The following PDE1A variants were observed in gnomAD, a reference collection of about 807,000 sequenced individuals.
The protein encoded by PDE1A is phosphodiesterase 1A.
Under a neutral mutation model 61.7 loss-of-function variants are expected in PDE1A, and 35 were observed. The ratio of observed to expected loss-of-function variants is 0.57; its 90% CI spans 0.43 to 0.75. PDE1A has a LOEUF of 0.75. PDE1A is among the 30% of genes least tolerant of loss of function. The pLI, the probability that PDE1A is intolerant of heterozygous loss-of-function variation, is 0.00. For missense variants in PDE1A, 597 were observed against 630.6 expected (o/e 0.95, Z 0.57); for synonymous variants, 232 against 213.2 (o/e 1.09, Z -0.77).
intron 1 of PDE1A, among the ~76,000 whole-genome samples, chr2:182,342,655 C>A (rs1218382527): frequency 6.6e-6 from 1 of 152,158 alleles, no homozygotes; most frequent in Admixed American, 6.5e-5. Context: ...TGCACTCCAG[C>A]CTGGGCAACA....
the PDE1A span, among the ~76,000 whole-genome samples, chr2:182,650,947 T>C: frequency 1.3e-5 from 2 of 152,178 alleles, no homozygotes; most frequent in Non-Finnish European, 2.9e-5. Context: ...TGAAAAACAA[T>C]AGGAGTAGAG....
chr2:182,167,752 C>A, downstream of PDE1A: 1 of 305,798 alleles, frequency 3.3e-6, no homozygotes, highest in Non-Finnish European at 4.8e-6. Context: ...CCCTGCCATT[C>A]ACTCTCACTA....
chr2:182,596,624 C>T, the PDE1A span, among the ~76,000 whole-genome samples: 1 of 152,106 alleles, frequency 6.6e-6, no homozygotes, highest in East Asian at 1.9e-4. Flanking sequence ...AAGTTGAGGG[C>T]CATCAGTAAC....
At chr2:182,269,443 G>A (rs538159965) in intron 1 of PDE1A, among the ~76,000 whole-genome samples, 16 of 151,808 alleles carry the variant, frequency 1.1e-4, no homozygotes, top group African/African-American at 3.4e-4. Flanking sequence ...AGCCAAGATC[G>A]CCACGATTGC....
At chr2:182,429,206 T>A (rs879436633), upstream of PDE1A, among the ~76,000 whole-genome samples, 4 of 152,130 alleles carry the variant, frequency 2.6e-5, no homozygotes, top group African/African-American at 7.2e-5. Context: ...AAAATATATA[T>A]TTCTTAAATG....
At chr2:182,693,637 C>CTTTTTTTTTTTTTTTTT in the PDE1A span, among the ~76,000 whole-genome samples, 2 of 123,426 alleles carry the variant, frequency 1.6e-5, no homozygotes, top group African/African-American at 3.0e-5. Flanking sequence ...TGATAGTGTT[C>CTTTTTTTTTTTTTTTTT]TTTTTTTTTT....
rs3769790 is a variant in PDE1A at position 182,194,387 on chromosome 2, G to A, written c.1126-5327C>T. On this transcript the variant is annotated intron_variant, in intron 10 of 13. Coordinates refer to ENST00000351439, the Ensembl canonical transcript of PDE1A. Reference sequence around the variant, plus strand: ...AATGATTACTTTTTTGGCTGATATTGATCTCTCTCTCCTATCAGTCATAGT... The same window carrying A: ...AATGATTACTTTTTTGGCTGATATTAATCTCTCTCTCCTATCAGTCATAGT... Among the ~76,000 whole-genome samples the A allele has an allele frequency of 4.2e-3, 645 of 152,138 alleles. 14 individuals carry two copies. The East Asian group carries it at 0.067, about 16-fold the overall frequency.
At chr2:182,206,463 T>C (rs1687110992) in intron 7 of PDE1A, among the ~76,000 whole-genome samples, 1 of 152,208 alleles carries the variant, frequency 6.6e-6, no homozygotes, top group African/African-American at 2.4e-5. Context: ...GTACATTCTA[T>C]GCGTTTAGAC....
At chr2:182,403,540 A>G (rs1346377944) in intron 1 of PDE1A, among the ~76,000 whole-genome samples, 1 of 149,460 alleles carries the variant, frequency 6.7e-6, no homozygotes, top group Non-Finnish European at 1.5e-5. Flanking sequence ...CGGAGCTTGC[A>G]GTGAGCCGAG....
chr2:182,551,503 A>G, the PDE1A span, among the ~76,000 whole-genome samples: 1 of 152,140 alleles, frequency 6.6e-6, no homozygotes, highest in African/African-American at 2.4e-5. Flanking sequence ...AGCAATGAGG[A>G]GAGAAGACAA....
At position 182,378,068 on chromosome 2, in the gene PDE1A, G is replaced by A. The variant is rs573547211; in HGVS notation, c.53+48510C>T. On this transcript the variant is annotated intron_variant, in intron 1 of 13. Transcript: ENST00000351439. Reference sequence around the variant, plus strand: ...TCACCGTGTTAGCCAGGAAGGTCTCGATCTCCTGACCTCGTGATCCACCCG... The same window carrying A: ...TCACCGTGTTAGCCAGGAAGGTCTCAATCTCCTGACCTCGTGATCCACCCG... Among the ~76,000 whole-genome samples, 36 of 152,162 alleles carry A rather than the reference G, an allele frequency of 2.4e-4. 2 individuals are homozygous for A. Among genetic ancestry groups the A allele is most frequent in the Admixed American group, 1.6e-3 (25 of 15,292 alleles).
intron 1 of PDE1A, among the ~76,000 whole-genome samples, chr2:182,296,084 T>C (rs1332630184): frequency 2.6e-5 from 4 of 152,202 alleles, no homozygotes; most frequent in Admixed American, 1.3e-4. Context: ...CCAGTCAGTA[T>C]ACAGAAACTA....
At chr2:182,603,998 T>G in the PDE1A span, among the ~76,000 whole-genome samples, 2 of 151,984 alleles carry the variant, frequency 1.3e-5, no homozygotes, top group Non-Finnish European at 2.9e-5. Flanking sequence ...ATAAAATAAA[T>G]TATATACTAT....
At chr2:182,442,730 T>A (rs1026446421) in intron 2 of PDE1A, among the ~76,000 whole-genome samples, 14 of 152,022 alleles carry the variant, frequency 9.2e-5, no homozygotes, top group Admixed American at 9.2e-4. Flanking sequence ...AATTTGAAAA[T>A]TTTTTTAAAA....
chr2:182,699,493 G>A, the PDE1A span, among the ~76,000 whole-genome samples: 2 of 152,062 alleles, frequency 1.3e-5, no homozygotes, highest in African/African-American at 4.8e-5. Context: ...AAACAGTAAT[G>A]GTTTATTTTA....
the PDE1A span, among the ~76,000 whole-genome samples, chr2:182,631,457 A>G: frequency 6.6e-6 from 1 of 152,324 alleles, no homozygotes; most frequent in Middle Eastern, 3.4e-3. Context: ...TGGATTGTAC[A>G]ATGCCACATT....
At chr2:182,571,753 G>C in the PDE1A span, among the ~76,000 whole-genome samples, 1 of 151,956 alleles carries the variant, frequency 6.6e-6, no homozygotes, top group Non-Finnish European at 1.5e-5. Context: ...AGCAAAAAAA[G>C]CTCAAATAAC....
At chr2:182,227,059 A>G (rs1281354393) in intron 6 of PDE1A, among the ~76,000 whole-genome samples, 1 of 152,056 alleles carries the variant, frequency 6.6e-6, no homozygotes, top group East Asian at 1.9e-4. Context: ...AAGGTCACAT[A>G]CGTATCTAGC....
At chr2:182,385,152 C>G (rs1700955488) in intron 1 of PDE1A, among the ~76,000 whole-genome samples, 1 of 152,128 alleles carries the variant, frequency 6.6e-6, no homozygotes, top group South Asian at 2.1e-4. Context: ...GCCTGTCTTA[C>G]AAGAAACACT....
Sources: gnomAD v4.1 joint callset for allele counts (sites outside exome capture counted in the v4.1 genomes callset) on GRCh38, gnomAD v4.1.1 for gene constraint, MANE v1.5 for transcripts, NCBI Gene and HGNC (gene_info 2026-07-23, HGNC 2026-07-21) for gene names.